Variants in NETO1 observed in about 807,000 individuals in gnomAD.
NETO1 encodes the protein neuropilin and tolloid-like protein 1.
A neutral mutation model predicts 61.3 loss-of-function variants in NETO1; 26 were observed. That is an observed-to-expected ratio of 0.42 (90% CI 0.31 to 0.59). NETO1 has a LOEUF of 0.59. Among genes scored for constraint, NETO1 ranks in the 20% least tolerant of loss-of-function variants. NETO1 has a pLI of 0.12. For synonymous variants in NETO1, 225 were observed against 225.8 expected, an observed-to-expected ratio of 1.00 and a Z score of 0.03; for missense variants, 531 against 662.8, an observed-to-expected ratio of 0.80 and a Z score of 2.18.
intron 6 of NETO1, among the ~76,000 whole-genome samples, chr18:72,790,481 C>T (rs896983531): frequency 6.6e-6 from 1 of 152,064 alleles, no homozygotes; most frequent in Non-Finnish European, 1.5e-5. Flanking sequence ...AATATTTGGG[C>T]AAGTCACTTA....
chr18:72,793,763 C>A (rs1352229134), intron 6 of NETO1, among the ~76,000 whole-genome samples: 1 of 152,102 alleles, frequency 6.6e-6, no homozygotes, highest in Admixed American at 6.5e-5. Context: ...TTTTAGTTTA[C>A]AAAATAAACC....
At chr18:72,838,486 T>C (rs1449237326) in intron 4 of NETO1, among the ~76,000 whole-genome samples, 1 of 152,206 alleles carries the variant, frequency 6.6e-6, no homozygotes, top group Admixed American at 6.5e-5. Flanking sequence ...ACTTATACAT[T>C]ATTGTTAAAC....
intron 4 of NETO1, among the ~76,000 whole-genome samples, chr18:72,841,757 A>AAAAAAAAAAT (rs2073941239): frequency 6.7e-6 from 1 of 149,672 alleles, no homozygotes; most frequent in Non-Finnish European, 1.5e-5. Context: ...AAAAAAAAAA[A>AAAAAAAAAAT]GTCACTTTAT....
At chr18:72,772,763 A>ATC (rs1436716220) in intron 7 of NETO1, among the ~76,000 whole-genome samples, 7 of 66,070 alleles carry the variant, frequency 1.1e-4, no homozygotes, top group African/African-American at 2.8e-4. Flanking sequence ...ATATATCTAT[A>ATC]TATATATATA....
intron 7 of NETO1, among the ~76,000 whole-genome samples, chr18:72,777,614 G>T (rs1199732193): frequency 6.7e-6 from 1 of 149,578 alleles, no homozygotes; most frequent in African/African-American, 2.5e-5. Context: ...GTGGTGGCGG[G>T]TGCCTGTAGT....
chr18:72,790,243 A>C (rs1258875117), intron 6 of NETO1, among the ~76,000 whole-genome samples: 2 of 152,186 alleles, frequency 1.3e-5, no homozygotes, highest in Non-Finnish European at 2.9e-5. Flanking sequence ...GTGAAGTGAT[A>C]GATTTGTTAA....
chr18:72,811,298 A>G (rs1479584000), intron 4 of NETO1, among the ~76,000 whole-genome samples: 4 of 152,086 alleles, frequency 2.6e-5, no homozygotes, highest in Non-Finnish European at 4.4e-5. Flanking sequence ...CATTCTACCA[A>G]TGATTCTCTT....
chr18:72,818,377 C>A (rs2073091031), intron 4 of NETO1, among the ~76,000 whole-genome samples: 1 of 152,126 alleles, frequency 6.6e-6, no homozygotes, highest in Non-Finnish European at 1.5e-5. Flanking sequence ...CTGCCTATGG[C>A]AACAGGCTTT....
At chr18:72,834,666 A>T in intron 4 of NETO1, 1 of 985,116 alleles carries the variant, frequency 1.0e-6, no homozygotes, top group Non-Finnish European at 1.2e-6. Flanking sequence ...TTAGTTCTTC[A>T]GTCATCTTCA....
At chr18:72,836,806 T>C (rs2145438051) in intron 4 of NETO1, among the ~76,000 whole-genome samples, 1 of 152,266 alleles carries the variant, frequency 6.6e-6, no homozygotes, top group Admixed American at 6.5e-5. Flanking sequence ...TACAATCAGA[T>C]TTTTGTTTCG....
chr18:72,779,369 A>G (rs1223200185), intron 7 of NETO1, among the ~76,000 whole-genome samples: 1 of 151,880 alleles, frequency 6.6e-6, no homozygotes, highest in East Asian at 1.9e-4. Context: ...AAATATATGA[A>G]TAGTCTGTTT....
chr18:72,749,944 G>A (rs1033917284), intron 9 of NETO1, 118 bp downstream of exon 9: 71 of 771,194 alleles, frequency 9.2e-5, no homozygotes, highest in Non-Finnish European at 1.4e-4. Context: ...TGGAAAACTA[G>A]GGTTTAAATC....
rs183697328 is a variant in NETO1, at chr18:72,862,534, C to T, written c.220+2274G>A. 8.1e-4 allele frequency among the ~76,000 whole-genome samples: 123 copies of T among 152,020 alleles called. 1 individual carries two copies. The highest frequency in any genetic ancestry group is 3.4e-3 in the Middle Eastern group (1 of 294). On this transcript the variant is annotated intron_variant, in intron 3 of 10. Coordinates refer to ENST00000327305, the MANE Select transcript of NETO1 (RefSeq NM_138966.5). ...TGGGATGGCAATTCCGTCTATCTAA[C>T]AAGTTATCGAGCAACAAATATTAGA... is the stretch of plus-strand genomic sequence containing the variant.
rs535920996 is a variant in NETO1, at chr18:72,781,169, C to A, written c.868+2509G>T. 3.1e-3 allele frequency among the ~76,000 whole-genome samples: 476 copies of A among 152,178 alleles called. 3 individuals carry two copies. Among genetic ancestry groups the A allele is most frequent in the African/African-American group, 0.011 (457 of 41,540 alleles). On this transcript the variant is annotated intron_variant, in intron 7 of 10. Transcript: ENST00000327305. ...ATGGTATACTTTTGATTAAAAATTA[C>A]AGATTTTTGTTATTTATTAAAATCT... is the stretch of plus-strand genomic sequence containing the variant.
At chr18:72,865,892 C>T (rs1393111448) in intron 1 of NETO1, among the ~76,000 whole-genome samples, 1 of 152,182 alleles carries the variant, frequency 6.6e-6, no homozygotes, top group African/African-American at 2.4e-5. Flanking sequence ...CTAACCTTAA[C>T]TTGATTTAAT....
chr18:72,754,718 C>G (rs1286473088), intron 8 of NETO1, among the ~76,000 whole-genome samples: 2 of 152,030 alleles, frequency 1.3e-5, no homozygotes. Flanking sequence ...ACAATTCAAC[C>G]ATGATAGCTG....
At chr18:72,853,536 T>C (rs2074321462) in intron 4 of NETO1, among the ~76,000 whole-genome samples, 1 of 152,074 alleles carries the variant, frequency 6.6e-6, no homozygotes, top group South Asian at 2.1e-4. Flanking sequence ...GGTGGGCGGA[T>C]CACTTGAGGC....
intron 9 of NETO1, 79 bp downstream of exon 9, chr18:72,749,983 G>A: frequency 8.9e-7 from 1 of 1,118,344 alleles, no homozygotes; most frequent in Non-Finnish European, 1.3e-6. Flanking sequence ...GAAATATGAA[G>A]ACAAAATAGA....
intron 4 of NETO1, chr18:72,834,835 G>A (rs949489578): frequency 7.1e-6 from 7 of 982,320 alleles, no homozygotes; most frequent in African/African-American, 5.3e-5. Flanking sequence ...ATTTTGGGGA[G>A]AGTGGAGACT....
Sources: allele counts gnomAD v4.1 joint callset (sites outside exome capture counted in the v4.1 genomes callset), GRCh38; gene constraint gnomAD v4.1.1; transcripts MANE v1.5; gene names NCBI Gene and HGNC (gene_info 2026-07-23, HGNC 2026-07-21).